The following LEO1 variants were observed in gnomAD, a reference collection of about 807,000 sequenced individuals.
LEO1 encodes the protein LEO1 component of Paf1/RNA polymerase II complex.
LEO1 carries 34 observed loss-of-function variants against 80.4 expected under a neutral mutation model. The observed-to-expected ratio is 0.42, with a 90% CI of 0.32 to 0.56. The LOEUF is 0.56. Among genes scored for constraint, LEO1 ranks in the 20% least tolerant of loss-of-function variants. The pLI is 0.10. For missense variants in LEO1, 631 were observed against 814.2 expected (o/e 0.77, Z 2.74); for synonymous variants, 262 against 274.9 (o/e 0.95, Z 0.46).
chr15:51,960,162 A>T lies in LEO1; in HGVS notation c.1015-118T>A, dbSNP rs144065654. The stretch of plus-strand genomic sequence containing the variant: ...CATAATTAGATATCACTTTAGGACT[A>T]AAGAAGTCCCCAGTCCCCATCCCAA... On this transcript the variant is annotated intron_variant, in intron 4 of 11. Coordinates refer to ENST00000299601, the MANE Select transcript of LEO1 (RefSeq NM_138792.4). 4 of 787,718 alleles carry T rather than the reference A, an allele frequency of 5.1e-6. No homozygotes were observed. In the East Asian group the frequency reaches 1.1e-4, roughly 22 times the overall value. 48.8% of individuals were successfully genotyped at this position (787,718 alleles called of 1,614,324 possible). A position where few individuals can be genotyped will look rare whatever the true frequency, so the allele number is the denominator to read the frequency against.
intron 11 of LEO1, 48 bp downstream of exon 11, chr15:51,947,244 C>T (rs771726350): frequency 8.0e-7 from 1 of 1,254,290 alleles, no homozygotes. Context: ...AAGCAGTTGG[C>T]TCCTGAGTAC....
chr15:51,950,080 A>C lies in LEO1; in HGVS notation c.1612-86T>G, dbSNP rs1214669020. ...CCCACTTTTATTACAAATAGCATGT[A>C]ATGTCTGGTCCAGATAACAGCTGTG... is the stretch of plus-strand genomic sequence containing the variant. On this transcript the variant is annotated intron_variant, in intron 9 of 11. Coordinates refer to ENST00000299601, the MANE Select transcript of LEO1 (RefSeq NM_138792.4). 5 of 1,125,370 alleles carry C rather than the reference A, an allele frequency of 4.4e-6. No individual in the cohort carries two copies. The African/African-American group carries it at 6.3e-5, about 14-fold the overall frequency. 69.7% of individuals were successfully genotyped at this position (1,125,370 alleles called of 1,614,324 possible).
chr15:51,938,346 A>T, intron 11 of LEO1, 86 bp from the exon 12 acceptor site: 1 of 733,712 alleles, frequency 1.4e-6, no homozygotes, highest in Non-Finnish European at 2.3e-6. Flanking sequence ...GAGCTGAATG[A>T]CCCTCTGACA....
At chr15:51,961,688 C>T (rs1189807209) in intron 3 of LEO1, among the ~76,000 whole-genome samples, 1 of 151,732 alleles carries the variant, frequency 6.6e-6, no homozygotes, top group Non-Finnish European at 1.5e-5. Context: ...GCCACTGCAC[C>T]CAGCCAACAC....
rs1224449893 is a variant in LEO1, at chr15:51,965,840, C to T, written c.723G>A (p.Glu241=). Residue 241 remains glutamate, a synonymous_variant, in exon 2 of 12, where the codon GAG becomes GAA. Coordinates refer to ENST00000299601, the MANE Select transcript of LEO1 (RefSeq NM_138792.4). ...DEEQPQLSDE[E]KMQNSDDERP... ...TTTCATCATCAGAATTTTGCATTTT[C>T]TCTTCATCAGACAGCTGTGGTTGTT... 3 of 1,614,072 alleles carry T rather than the reference C, an allele frequency of 1.9e-6. No homozygotes were observed. The highest frequency in any genetic ancestry group is 2.5e-6 in the Non-Finnish European group (3 of 1,180,000).
In LEO1 at chr15:51,949,736, G is replaced by T. The variant is rs57487460; in HGVS notation, c.1798+72C>A. 7.1e-4 allele frequency: 886 copies of T among 1,241,798 alleles called. 5 individuals carry two copies. The African/African-American group carries it at 0.012, about 17-fold the overall frequency. The allele number at this position is 1,241,798 out of a possible 1,614,324, so 76.9% of individuals were successfully genotyped here. ...AAAAAAGTCCAGTGACTTGGCAGCC[G>T]GATTACATCTAATGCCAAGATGAAG... On this transcript the variant is annotated intron_variant, in intron 10 of 11. Coordinates refer to ENST00000299601, the MANE Select transcript of LEO1 (RefSeq NM_138792.4).
In LEO1 at chr15:51,942,069, T is replaced by C. The variant is rs1030626328; in HGVS notation, c.1897-3809A>G. On this transcript the variant is annotated intron_variant, in intron 11 of 11. Coordinates refer to ENST00000299601, the MANE Select transcript of LEO1 (RefSeq NM_138792.4). Reference sequence around the variant, plus strand: ...AAAACTCCCTTTAATCTCAGAGGCATACCTAGGCTCCTGGTGTTTGAGTGG... The same window carrying C: ...AAAACTCCCTTTAATCTCAGAGGCACACCTAGGCTCCTGGTGTTTGAGTGG... 5.3e-5 allele frequency among the ~76,000 whole-genome samples: 8 copies of C among 152,220 alleles called. No homozygotes were observed. The East Asian group carries it at 5.8e-4, about 11-fold the overall frequency.
intron 11 of LEO1, among the ~76,000 whole-genome samples, chr15:51,941,401 T>C (rs566088287): frequency 6.6e-6 from 1 of 152,150 alleles, no homozygotes; most frequent in Admixed American, 6.5e-5. Context: ...GGCAGGGTTG[T>C]CAAAGGGGAA....
chr15:51,969,898 A>T (rs995877925), intron 1 of LEO1, among the ~76,000 whole-genome samples: 3 of 151,726 alleles, frequency 2.0e-5, no homozygotes, highest in Non-Finnish European at 4.4e-5. Context: ...GAAAGTGTAA[A>T]CTGAAACCAC....
chr15:51,964,100 G>A (rs1410558981), intron 2 of LEO1, among the ~76,000 whole-genome samples: 1 of 151,922 alleles, frequency 6.6e-6, no homozygotes, highest in African/African-American at 2.4e-5. Context: ...CAGCTACTCG[G>A]GAGGCTGAGG....
At chr15:51,970,512 T>C (rs1461582892) in intron 1 of LEO1, among the ~76,000 whole-genome samples, 1 of 152,222 alleles carries the variant, frequency 6.6e-6, no homozygotes, top group Non-Finnish European at 1.5e-5. Flanking sequence ...TGGAATATTA[T>C]TAAATCATTA....
At chr15:51,953,341 G>A in intron 7 of LEO1, 78 bp from the exon 8 acceptor site, 1 of 1,505,668 alleles carries the variant, frequency 6.6e-7, no homozygotes, top group Non-Finnish European at 9.1e-7. Flanking sequence ...AGGTGATTCA[G>A]GCTGGGCACA....
At position 51,949,882 on chromosome 15, in the gene LEO1, T is replaced by C. The variant is rs755811956; in HGVS notation, c.1724A>G (p.Tyr575Cys). Reference sequence around the variant, plus strand: ...CTCCTCGCCTTCCTCCTCCTCATCGTATCGATCAGGTTCCAGGTAACTGGC... The same window carrying C: ...CTCCTCGCCTTCCTCCTCCTCATCGCATCGATCAGGTTCCAGGTAACTGGC... Reference protein sequence around the residue: ...LSASYLEPDRYDEEEEGEESI... With the variant: ...LSASYLEPDRCDEEEEGEESI... Residue 575 changes from tyrosine (Y) to cysteine (C), a missense_variant, in exon 10 of 12, where the codon TAC becomes TGC. By Grantham distance (194) the Tyr-to-Cys change is radical. This residue lies in a region of LEO1 where 117 missense variants were observed against 163.5 expected (regional missense o/e 0.72). Coordinates refer to ENST00000299601, the MANE Select transcript of LEO1 (RefSeq NM_138792.4). 6.2e-7 allele frequency: 1 copy of C among 1,614,066 alleles called. No individual in the cohort carries two copies. The highest frequency in any genetic ancestry group is 1.1e-5 in the South Asian group (1 of 91,076).
At position 51,947,382 on chromosome 15, in the gene LEO1, T is replaced by C. The variant is rs115066216; in HGVS notation, c.1806A>G (p.Arg602=). ...CACTGTCTGATGAATAGATTCTGGC[T>C]CGTTCCTCTGAAAGCAAAAGTACAG... ...NRYKGGIREE[R]ARIYSSDSDE... is the part of the protein sequence containing the mutation. The change falls in exon 11 of 12, where the codon CGA becomes CGG. Residue 602 remains arginine (R), a synonymous_variant. Coordinates refer to ENST00000299601, the MANE Select transcript of LEO1 (RefSeq NM_138792.4). 1,047 of 1,609,858 alleles carry C rather than the reference T, an allele frequency of 6.5e-4. 9 individuals carry two copies. In the African/African-American group the frequency reaches 0.013, roughly 20 times the overall value.
intron 1 of LEO1, among the ~76,000 whole-genome samples, chr15:51,967,863 A>G (rs759781362): frequency 3.3e-5 from 5 of 152,240 alleles, no homozygotes; most frequent in African/African-American, 1.2e-4. Flanking sequence ...CCACAAAATG[A>G]AAAACTTTTG....
Position 51,971,726 on chromosome 15 carries a change from A to ATC in LEO1, c.19_20insGA (p.Leu7ArgfsTer99). On this transcript the variant is annotated frameshift_variant, in exon 1 of 12. Transcript: ENST00000299601. LOFTEE classifies it high-confidence loss of function. ...TTCGCTGTCGGCGTCGCTCCCGAAG[A>ATC]GATCCTCCATATCCGCCATTATCGC... 6.2e-7 allele frequency: 1 copy of ATC among 1,614,194 alleles called. No individual in the cohort carries two copies. Among genetic ancestry groups the ATC allele is most frequent in the Non-Finnish European group, 8.5e-7 (1 of 1,180,028 alleles).
At chr15:51,956,422 C>CAAAAAAAAAAAAA in intron 6 of LEO1, among the ~76,000 whole-genome samples, 1 of 78,586 alleles carries the variant, frequency 1.3e-5, no homozygotes, top group Non-Finnish European at 2.4e-5. Flanking sequence ...GACTCCATCT[C>CAAAAAAAAAAAAA]AAAAAAAAAA....
Position 51,953,108 on chromosome 15 carries a change from CATAATA to C in LEO1, c.1475+15_1475+20del. 6.3e-7 allele frequency: 1 copy of C among 1,593,282 alleles called. No individual in the cohort carries two copies. Among genetic ancestry groups the C allele is most frequent in the South Asian group, 1.1e-5 (1 of 89,324 alleles). ...ACTGCTTTTACCATAAGAAATAATA[CATAATA>C]ATAATAACAGTTACCTGAAGGTGAG... On this transcript the variant is annotated intron_variant, in intron 8 of 11. Coordinates refer to ENST00000299601, the MANE Select transcript of LEO1 (RefSeq NM_138792.4).
chr15:51,958,758 GTTC>G lies in LEO1; in HGVS notation c.1226_1228del (p.Arg409del). On this transcript the variant is annotated inframe_deletion, in exon 6 of 12. Transcript: ENST00000299601. Reference sequence around the variant, plus strand: ...AAATGGTACCTTTAATTTTAACCTGGTTCTACCTTCTTCATCCAGCATTTCTTC... The same window carrying G: ...AAATGGTACCTTTAATTTTAACCTGGTACCTTCTTCATCCAGCATTTCTTC... 1 of 1,591,870 alleles carries G rather than the reference GTTC, an allele frequency of 6.3e-7. No homozygotes were observed. Among genetic ancestry groups the G allele is most frequent in the Non-Finnish European group, 8.6e-7 (1 of 1,165,332 alleles).
Sources: gnomAD v4.1 joint callset for allele counts (sites outside exome capture counted in the v4.1 genomes callset) on GRCh38, gnomAD v4.1.1 for gene constraint, gnomAD v4.1.1 regional missense constraint, MANE v1.5 for transcripts, NCBI Gene and HGNC (gene_info 2026-07-23, HGNC 2026-07-21) for gene names.